Variants in ACBD7 observed in about 807,000 individuals in gnomAD.
ACBD7 encodes the protein acyl-CoA-binding domain-containing protein 7.
ACBD7 carries 11 observed loss-of-function variants against 13.7 expected under a neutral mutation model. The ratio of observed to expected loss-of-function variants is 0.80; its 90% CI spans 0.50 to 1.33. The LOEUF (loss-of-function observed/expected upper bound fraction) is 1.33. ACBD7 is among the 40% of genes most tolerant of loss of function. The probability of loss-of-function intolerance (pLI) is 0.00; values close to 1 mark genes in which losing one functional copy is unlikely to be tolerated. For synonymous variants in ACBD7, 43 were observed against 37.7 expected, an observed-to-expected ratio of 1.14 and a Z score of -0.51; for missense variants, 111 against 103.0, an observed-to-expected ratio of 1.08 and a Z score of -0.33.
chr10:15,083,039 A>C (rs965310614), intron 1 of ACBD7, among the ~76,000 whole-genome samples: 1 of 152,150 alleles, frequency 6.6e-6, no homozygotes, highest in East Asian at 1.9e-4. Context: ...TCCGTCTCAA[A>C]AAAAAGAAAA....
At position 15,078,375 on chromosome 10, in the gene ACBD7, T is replaced by C. The variant is rs1403946616; in HGVS notation, c.*155A>G. The C allele has an allele frequency of 2.7e-5, 40 of 1,500,016 alleles. No homozygotes were observed. The Admixed American group carries it at 9.1e-4, about 34-fold the overall frequency. The allele number at this position is 1,500,016 out of a possible 1,614,324, so 92.9% of individuals were successfully genotyped here. ...TTTAAGCAAGTACAATTGAGTTAAC[T>C]ATGTAGTTTCAGTATACTTCTAAGT... is the stretch of plus-strand genomic sequence containing the variant. On this transcript the variant is annotated 3_prime_UTR_variant, in exon 4 of 4. Coordinates refer to ENST00000356189, the MANE Select transcript of ACBD7 (RefSeq NM_001039844.3).
At chr10:15,081,174 TA>T (rs201718710) in intron 1 of ACBD7, among the ~76,000 whole-genome samples, 3,451 of 152,212 alleles carry the variant, frequency 0.023, 149 homozygotes, top group African/African-American at 0.079. Context: ...ACTGAGTGGT[TA>T]ACGTTAAATA....
At chr10:15,081,466 C>T (rs1844749271) in intron 1 of ACBD7, among the ~76,000 whole-genome samples, 1 of 152,226 alleles carries the variant, frequency 6.6e-6, no homozygotes, top group African/African-American at 2.4e-5. Flanking sequence ...GTCTTCAGAT[C>T]TCAGCCCTTA....
At position 15,079,072 on chromosome 10, in the gene ACBD7, A is replaced by G. The variant is rs776139720; in HGVS notation, c.13-32T>C. ...GAAGAACAAACAAACAAACAAAAGG[A>G]GCATTTTACCACCAAGGAATAGGAA... On this transcript the variant is annotated intron_variant, in intron 1 of 3. Coordinates refer to ENST00000356189, the MANE Select transcript of ACBD7 (RefSeq NM_001039844.3). 6.7e-6 allele frequency: 10 copies of G among 1,497,448 alleles called. No homozygotes were observed. The African/African-American group carries it at 1.1e-4, about 17-fold the overall frequency. 92.8% of individuals were successfully genotyped at this position (1,497,448 alleles called of 1,614,324 possible). A position where few individuals can be genotyped will look rare whatever the true frequency, so the allele number is the denominator to read the frequency against.
rs1844701966 is a variant in ACBD7 at position 15,077,859 on chromosome 10, T to TCC, written c.*670_*671insGG. On this transcript the variant is annotated 3_prime_UTR_variant, in exon 4 of 4. Transcript: ENST00000356189. ...CTGCACTCCAGCCTGGGTGACAGAGTGAGACTCCTCAAGAAAAAACAAACA... is the reference window on the plus strand; with the variant it reads ...CTGCACTCCAGCCTGGGTGACAGAGTCCGAGACTCCTCAAGAAAAAACAAACA... 2.0e-5 allele frequency: 3 copies of TCC among 152,054 alleles called. No homozygotes were observed. In the South Asian group the frequency reaches 6.2e-4, roughly 32 times the overall value. The allele number at this position is 152,054 out of a possible 1,614,324, so 9.4% of individuals were successfully genotyped here.
In ACBD7 at chr10:15,082,714, C is replaced by G. The variant is rs564927140; in HGVS notation, c.13-3674G>C. On this transcript the variant is annotated intron_variant, in intron 1 of 3. Coordinates refer to ENST00000356189, the MANE Select transcript of ACBD7 (RefSeq NM_001039844.3). ...ACTCGACTCCTTTTGAGGTGCCAAG[C>G]CTTAATTAGAATTCTAAGCCTTCTT... Among the ~76,000 whole-genome samples, 5 of 152,026 alleles carry G rather than the reference C, an allele frequency of 3.3e-5. No individual in the cohort carries two copies. The South Asian group carries it at 1.0e-3, about 32-fold the overall frequency.
In ACBD7 at chr10:15,078,346, C is replaced by A. The variant is rs1844707942; in HGVS notation, c.*184G>T. The A allele has an allele frequency of 4.9e-6, 7 of 1,442,936 alleles. No individual in the cohort carries two copies. Among genetic ancestry groups the A allele is most frequent in the African/African-American group, 1.4e-5 (1 of 70,416 alleles). The allele number at this position is 1,442,936 out of a possible 1,614,324, so 89.4% of individuals were successfully genotyped here. A position where few individuals can be genotyped will look rare whatever the true frequency, so the allele number is the denominator to read the frequency against. On this transcript the variant is annotated 3_prime_UTR_variant, in exon 4 of 4. Transcript: ENST00000356189. Reference sequence around the variant, plus strand: ...TCTTAAAAAGAACTTTTAAAGACACCTGGTTTAAGCAAGTACAATTGAGTT... The same window carrying A: ...TCTTAAAAAGAACTTTTAAAGACACATGGTTTAAGCAAGTACAATTGAGTT...
chr10:15,078,759 A>C lies in ACBD7; in HGVS notation c.131-6T>G. 1 of 1,613,668 alleles carries C rather than the reference A, an allele frequency of 6.2e-7. No individual in the cohort carries two copies. Among genetic ancestry groups the C allele is most frequent in the Non-Finnish European group, 8.5e-7 (1 of 1,179,778 alleles). ...ATCTAGCATTCCTGGACACGCTGGC[A>C]AAAGAAGGAGACATGCATTTGCAGG... On this transcript the variant is annotated splice_region_variant and splice_polypyrimidine_tract_variant and intron_variant, in intron 2 of 3. Transcript: ENST00000356189.
At chr10:15,088,225 T>G in intron 1 of ACBD7, 1 of 156,350 alleles carries the variant, frequency 6.4e-6, no homozygotes, top group East Asian at 1.9e-4. Context: ...GGAATTATCA[T>G]TGGATTATTA....
At chr10:15,081,654 C>T (rs114741490) in intron 1 of ACBD7, among the ~76,000 whole-genome samples, 9 of 152,304 alleles carry the variant, frequency 5.9e-5, no homozygotes, top group Admixed American at 3.9e-4. Flanking sequence ...TCTTCTCTCC[C>T]AGTTTATCTG....
At chr10:15,081,051 C>T (rs1844743462) in intron 1 of ACBD7, among the ~76,000 whole-genome samples, 1 of 152,258 alleles carries the variant, frequency 6.6e-6, no homozygotes, top group Non-Finnish European at 1.5e-5. Flanking sequence ...GCGGGCTCAG[C>T]GGAGTGGCAG....
chr10:15,075,976 C>CAAAAAAGAAAA lies in ACBD7; in HGVS notation c.*2553_*2554insTTTTCTTTTTT, dbSNP rs1844676109. The CAAAAAAGAAAA allele has an allele frequency of 3.3e-6, 1 of 301,462 alleles. No individual in the cohort carries two copies. Among genetic ancestry groups the CAAAAAAGAAAA allele is most frequent in the African/African-American group, 3.0e-5 (1 of 33,538 alleles). 18.7% of individuals were successfully genotyped at this position (301,462 alleles called of 1,614,324 possible). ...GTAACAGAGTGACAGCCTGTCTCAA[C>CAAAAAAGAAAA]AAAAAAAAAAAAAAAAAAAAAGAAA... On this transcript the variant is annotated 3_prime_UTR_variant, in exon 4 of 4. Transcript: ENST00000356189.
rs1844675441 is a variant in ACBD7, at chr10:15,075,964, A to T, written c.*2566T>A. 1 of 435,312 alleles carries T rather than the reference A, an allele frequency of 2.3e-6. No individual in the cohort carries two copies. Among genetic ancestry groups the T allele is most frequent in the Non-Finnish European group, 3.0e-6 (1 of 336,424 alleles). 27.0% of individuals were successfully genotyped at this position (435,312 alleles called of 1,614,324 possible). Reference sequence around the variant, plus strand: ...GCTCCAGCCTGGGTAACAGAGTGACAGCCTGTCTCAACAAAAAAAAAAAAA... The same window carrying T: ...GCTCCAGCCTGGGTAACAGAGTGACTGCCTGTCTCAACAAAAAAAAAAAAA... On this transcript the variant is annotated 3_prime_UTR_variant, in exon 4 of 4. Coordinates refer to ENST00000356189, the MANE Select transcript of ACBD7 (RefSeq NM_001039844.3).
At chr10:15,086,955 G>C (rs1283895599) in intron 1 of ACBD7, among the ~76,000 whole-genome samples, 3 of 151,520 alleles carry the variant, frequency 2.0e-5, no homozygotes, top group Non-Finnish European at 2.9e-5. Flanking sequence ...GGAGGTTGCG[G>C]TGAGCCAAGA....
At chr10:15,082,655 C>T (rs1844763470) in intron 1 of ACBD7, among the ~76,000 whole-genome samples, 1 of 152,100 alleles carries the variant, frequency 6.6e-6, no homozygotes, top group Non-Finnish European at 1.5e-5. Context: ...GTTCTGCTTG[C>T]TGTAAAGTCT....
intron 1 of ACBD7, chr10:15,088,340 G>C (rs1844832786): frequency 3.4e-6 from 1 of 294,932 alleles, no homozygotes; most frequent in Admixed American, 5.1e-5. Flanking sequence ...GAGCCTCACA[G>C]ATCTCTTCTG....
rs765372536 is a variant in ACBD7, at chr10:15,088,774, T to C, written c.-46A>G. ...TGCTGCTGCTGTTGTCGTCCGGTGC[T>C]CTGCCCCCTCTCGCACCCACCGCTT... On this transcript the variant is annotated 5_prime_UTR_variant, in exon 1 of 4. Transcript: ENST00000356189. The C allele has an allele frequency of 1.3e-6, 2 of 1,593,468 alleles. No individual in the cohort carries two copies. The highest frequency in any genetic ancestry group is 1.7e-4 in the Middle Eastern group (1 of 6,004).
intron 1 of ACBD7, chr10:15,088,512 G>C: frequency 1.4e-6 from 1 of 695,360 alleles, no homozygotes; most frequent in Non-Finnish European, 2.2e-6. Flanking sequence ...CCTGGGGTCC[G>C]GAAGGGTTGC....
At position 15,077,115 on chromosome 10, in the gene ACBD7, A is replaced by ATCCAAAAG. The variant is rs1224578832; in HGVS notation, c.*1407_*1414dup. Among the ~76,000 whole-genome samples the ATCCAAAAG allele has an allele frequency of 6.6e-6, 1 of 152,192 alleles. No individual in the cohort carries two copies. Among genetic ancestry groups the ATCCAAAAG allele is most frequent in the Admixed American group, 6.6e-5 (1 of 15,258 alleles). On this transcript the variant is annotated 3_prime_UTR_variant, in exon 4 of 4. Transcript: ENST00000356189. ...TTCTTAAAGGAAAATAAATCATTCT[A>ATCCAAAAG]TCCAAAAGATACCTGCACTTGTATA...
Sources: gnomAD v4.1 joint callset for allele counts (sites outside exome capture counted in the v4.1 genomes callset) on GRCh38, gnomAD v4.1.1 for gene constraint, MANE v1.5 for transcripts, NCBI Gene and HGNC (gene_info 2026-07-23, HGNC 2026-07-21) for gene names.